The following NOC3L variants were observed in gnomAD, a reference collection of about 807,000 sequenced individuals.
NOC3L encodes nucleolar complex protein 3 homolog.
Under a neutral mutation model 102.5 loss-of-function variants are expected in NOC3L, and 85 were observed. The observed-to-expected ratio is 0.83, with a 90% CI of 0.70 to 0.99. NOC3L has a LOEUF of 0.99. Ranked by LOEUF, NOC3L falls within the 50% of genes least tolerant of loss-of-function variation. NOC3L has a pLI of 0.00. For missense variants in NOC3L, 878 were observed against 914.9 expected (o/e 0.96, Z 0.52); for synonymous variants, 303 against 309.4 (o/e 0.98, Z 0.22).
chr10:94,349,049 T>C (rs2054382524), intron 10 of NOC3L, among the ~76,000 whole-genome samples: 1 of 152,120 alleles, frequency 6.6e-6, no homozygotes, highest in African/African-American at 2.4e-5. Context: ...TATATGACTA[T>C]ATCTGCAAAG....
intron 3 of NOC3L, 59 bp downstream of exon 3, chr10:94,358,023 CA>C (rs2054507937): frequency 8.9e-7 from 1 of 1,128,404 alleles, no homozygotes. Context: ...AAGTGAAATT[CA>C]GAACCAAGTT....
At chr10:94,359,916 G>C (rs1295463557) in intron 2 of NOC3L, among the ~76,000 whole-genome samples, 1 of 152,030 alleles carries the variant, frequency 6.6e-6, no homozygotes, top group East Asian at 1.9e-4. Context: ...CCAAAAAAAA[G>C]AAATCAGTAT....
At chr10:94,332,074 T>C (rs1244811551), downstream of NOC3L, 1 of 152,072 alleles carries the variant, frequency 6.6e-6, no homozygotes, top group Admixed American at 6.6e-5. Flanking sequence ...TTTCACTATG[T>C]TGGTAAGGCT....
chr10:94,334,183 T>C lies in NOC3L; in HGVS notation c.2397A>G (p.Leu799=), dbSNP rs202033541. 14 of 1,339,358 alleles carry C rather than the reference T, an allele frequency of 1.0e-5. No individual in the cohort carries two copies. In the East Asian group the frequency reaches 2.3e-4, roughly 22 times the overall value. The allele number at this position is 1,339,358 out of a possible 1,614,324, so 83.0% of individuals were successfully genotyped here. ...CACTGACTTCATTCCTCTACTAGTG[T>C]AGTGATGTTTTCAAATATTTCGTGA... ...LDFTKYLKTS[L]H The change falls in exon 21 of 21, where the codon CTA becomes CTG. Residue 799 remains leucine, a synonymous_variant. Coordinates refer to ENST00000371361, the MANE Select transcript of NOC3L (RefSeq NM_022451.11).
chr10:94,317,467 G>C, the NOC3L span, among the ~76,000 whole-genome samples: 1 of 152,120 alleles, frequency 6.6e-6, no homozygotes, highest in African/African-American at 2.4e-5. Flanking sequence ...TTTCTATTCT[G>C]GGGATGACTG....
At chr10:94,316,071 T>C in the NOC3L span, among the ~76,000 whole-genome samples, 1 of 152,160 alleles carries the variant, frequency 6.6e-6, no homozygotes, top group Admixed American at 6.5e-5. Flanking sequence ...TTAAGCACAC[T>C]GTCAGAAGTT....
downstream of NOC3L, chr10:94,330,303 T>C (rs567171056): frequency 1.3e-5 from 2 of 152,320 alleles, no homozygotes; most frequent in African/African-American, 4.8e-5. Flanking sequence ...CCCAATTTAG[T>C]TGTTTATCAC....
chr10:94,324,444 C>T, the NOC3L span: 1 of 1,614,124 alleles, frequency 6.2e-7, no homozygotes. Context: ...ACACTACCAA[C>T]AAGAAGACTA....
intron 2 of NOC3L, among the ~76,000 whole-genome samples, chr10:94,360,503 T>C (rs2054539919): frequency 6.6e-6 from 1 of 152,104 alleles, no homozygotes; most frequent in African/African-American, 2.4e-5. Flanking sequence ...TTGTGGTAGC[T>C]AAAAATTAAA....
downstream of NOC3L, chr10:94,329,805 A>AAAC (rs1564905220): frequency 2.0e-5 from 3 of 149,368 alleles, no homozygotes; most frequent in East Asian, 3.9e-4. Flanking sequence ...AAAAAAAAAA[A>AAAC]AAAAAACACC....
At chr10:94,327,010 C>CAGTT in the NOC3L span, among the ~76,000 whole-genome samples, 4 of 151,518 alleles carry the variant, frequency 2.6e-5, no homozygotes, top group Non-Finnish European at 5.9e-5. Flanking sequence ...AATACAACAA[C>CAGTT]AGTTAGCTGG....
rs1192571139 is a variant in NOC3L at position 94,339,918 on chromosome 10, C to A, written c.1783G>T (p.Ala595Ser). 1.2e-6 allele frequency: 2 copies of A among 1,612,172 alleles called. No individual in the cohort carries two copies. Among genetic ancestry groups the A allele is most frequent in the Non-Finnish European group, 1.7e-6 (2 of 1,179,020 alleles). Residue 595 changes from alanine to serine, a missense_variant and splice_region_variant, in exon 17 of 21, where the codon GCT (alanine) becomes TCT (serine). Ala to Ser is a moderately conservative substitution (Grantham distance 99). Coordinates refer to ENST00000371361, the MANE Select transcript of NOC3L (RefSeq NM_022451.11). ...ACAATCTCAACACCTTCATTGGTAG[C>A]ACCTAAAACAGCAGACATATTCTTC... ...YKTLFKLHAG[A>S]TNEGVEIVLQ...
Position 94,337,912 on chromosome 10 carries a change from C to T in NOC3L, c.2092-38G>A, listed in dbSNP as rs750467079. ...CGGGACAATCACATTCTGCACAGGT[C>T]AGTCCTTTACAAAAAACACTAGCCA... is the stretch of plus-strand genomic sequence containing the variant. On this transcript the variant is annotated intron_variant, in intron 18 of 20. Coordinates refer to ENST00000371361, the MANE Select transcript of NOC3L (RefSeq NM_022451.11). 1.7e-5 allele frequency: 24 copies of T among 1,443,444 alleles called. No individual in the cohort carries two copies. The African/African-American group carries it at 3.1e-4, about 19-fold the overall frequency. 89.4% of individuals were successfully genotyped at this position (1,443,444 alleles called of 1,614,324 possible).
At chr10:94,322,054 C>T in the NOC3L span, 1 of 1,614,030 alleles carries the variant, frequency 6.2e-7, no homozygotes. Context: ...GGATGTCATT[C>T]AGCAGGTAAA....
chr10:94,344,833 C>A lies in NOC3L; in HGVS notation c.1470+20G>T, dbSNP rs760199308. ...AACTTAACGCATTTTAAAAGCATAA[C>A]AGAATATGAAACTGCCTACCAGTTT... On this transcript the variant is annotated intron_variant, in intron 12 of 20. Coordinates refer to ENST00000371361, the MANE Select transcript of NOC3L (RefSeq NM_022451.11). 1.3e-6 allele frequency: 2 copies of A among 1,548,780 alleles called. No individual in the cohort carries two copies. Among genetic ancestry groups the A allele is most frequent in the Non-Finnish European group, 1.8e-6 (2 of 1,140,532 alleles).
chr10:94,327,154 C>T, the NOC3L span, among the ~76,000 whole-genome samples: 1 of 152,194 alleles, frequency 6.6e-6, no homozygotes, highest in Admixed American at 6.5e-5. Flanking sequence ...GAGCGAGACT[C>T]CGTCTCAAAA....
At chr10:94,328,207 G>GACTT in the NOC3L span, 1 of 311,666 alleles carries the variant, frequency 3.2e-6, no homozygotes, top group Non-Finnish European at 6.7e-6. Context: ...GTCACGAATT[G>GACTT]ACTTAGAGCA....
the NOC3L span, among the ~76,000 whole-genome samples, chr10:94,324,007 C>T: frequency 6.6e-5 from 10 of 152,128 alleles, no homozygotes; most frequent in South Asian, 1.0e-3. Context: ...TGTCTGTGAG[C>T]GCTGGTACAT....
At position 94,352,320 on chromosome 10, in the gene NOC3L, TTG is replaced by T; in HGVS notation, c.940_941del (p.Gln314AsnfsTer3). 6.2e-7 allele frequency: 1 copy of T among 1,603,000 alleles called. No individual in the cohort carries two copies. Among genetic ancestry groups the T allele is most frequent in the Non-Finnish European group, 8.5e-7 (1 of 1,170,702 alleles). On this transcript the variant is annotated frameshift_variant, in exon 8 of 21. Coordinates refer to ENST00000371361, the MANE Select transcript of NOC3L (RefSeq NM_022451.11). LOFTEE classifies it high-confidence loss of function. ...QYKFYLENLE[Q>X]MVKDWKQRKL... ...ATATGTTTAATATACCTTTAACCAT[TTG>T]TTCCAGATTTTCCAAATAAAACTTG...
Sources: allele counts gnomAD v4.1 joint callset (sites outside exome capture counted in the v4.1 genomes callset), GRCh38; gene constraint gnomAD v4.1.1; transcripts MANE v1.5; gene names NCBI Gene and HGNC (gene_info 2026-07-23, HGNC 2026-07-21).